Variants in MAP3K4 observed in about 807,000 individuals in gnomAD.
MAP3K4 encodes mitogen-activated protein kinase kinase kinase 4, also known as MAP three kinase 1.
MAP3K4 carries 67 observed loss-of-function variants against 185.6 expected under a neutral mutation model. That is an observed-to-expected ratio of 0.36 (90% CI 0.30 to 0.44). The LOEUF (loss-of-function observed/expected upper bound fraction) is 0.44. Among genes scored for constraint, MAP3K4 ranks in the 20% least tolerant of loss-of-function variants. MAP3K4 has a pLI of 1.00. For synonymous variants in MAP3K4, 702 were observed against 710.4 expected (o/e 0.99, Z 0.19); for missense variants, 1,551 against 1,995.1 (o/e 0.78, Z 4.24).
intron 2 of MAP3K4, among the ~76,000 whole-genome samples, chr6:161,047,014 A>G (rs1178374590): frequency 6.8e-6 from 1 of 147,454 alleles, no homozygotes. Context: ...ATTCTAAGGT[A>G]AAAACAGCTT....
Position 161,084,410 on chromosome 6 carries a change from T to G in MAP3K4, c.2256-91T>G, listed in dbSNP as rs1046655398. On this transcript the variant is annotated intron_variant, in intron 6 of 26. Transcript: ENST00000392142. This position sits in a 1 kb window ranked among gnomAD's most constrained non-coding sequence, Gnocchi z 4.6. ...TTTGATTTTTAAACCATTAGAGCAG[T>G]AGCTGAGCCTTTCAAGTTTCTCAGT... is the stretch of plus-strand genomic sequence containing the variant. 4.5e-5 allele frequency: 32 copies of G among 708,774 alleles called. No homozygotes were observed. The highest frequency in any genetic ancestry group is 2.5e-4 in the East Asian group (10 of 40,246). 43.9% of individuals were successfully genotyped at this position (708,774 alleles called of 1,614,324 possible).
At chr6:161,011,994 G>A (rs1452880550) in intron 1 of MAP3K4, among the ~76,000 whole-genome samples, 6 of 152,174 alleles carry the variant, frequency 3.9e-5, no homozygotes, top group Non-Finnish European at 8.8e-5. Flanking sequence ...ACCTTGATTA[G>A]GCTCAGACAG....
intron 1 of MAP3K4, among the ~76,000 whole-genome samples, chr6:161,004,518 A>G (rs571959944): frequency 2.6e-5 from 4 of 152,340 alleles, no homozygotes; most frequent in South Asian, 2.1e-4. Flanking sequence ...TGAAAGAACA[A>G]ATCTTTGTGA....
At chr6:161,068,304 C>T (rs1232342401) in intron 3 of MAP3K4, among the ~76,000 whole-genome samples, 1 of 152,146 alleles carries the variant, frequency 6.6e-6, no homozygotes, top group Non-Finnish European at 1.5e-5. Flanking sequence ...TCACAGAAAA[C>T]TTCATAGAGG....
intron 1 of MAP3K4, among the ~76,000 whole-genome samples, chr6:161,029,381 A>G (rs774158217): frequency 3.3e-5 from 5 of 152,298 alleles, no homozygotes; most frequent in Non-Finnish European, 7.4e-5. Flanking sequence ...GAGCAGAACT[A>G]TTTAACCCTA....
chr6:161,108,350 A>G lies in MAP3K4; in HGVS notation c.4119+381A>G, dbSNP rs1562546698. Reference sequence around the variant, plus strand: ...AAGTGGCATTGAAACCGCTGGAGGTAGGATGGGGAAAGGGCCAGGGAACCT... The same window carrying G: ...AAGTGGCATTGAAACCGCTGGAGGTGGGATGGGGAAAGGGCCAGGGAACCT... On this transcript the variant is annotated intron_variant, in intron 21 of 26. Transcript: ENST00000392142. The surrounding 1 kb of genome is among the most constrained non-coding windows in gnomAD (Gnocchi z 5.7). 6.6e-6 allele frequency among the ~76,000 whole-genome samples: 1 copy of G among 152,214 alleles called. No individual in the cohort carries two copies. The highest frequency in any genetic ancestry group is 1.5e-5 in the Non-Finnish European group (1 of 68,032).
Position 161,053,592 on chromosome 6 carries a change from G to C in MAP3K4, c.1707+3613G>C, listed in dbSNP as rs1554278827. Reference sequence around the variant, plus strand: ...ACCTTTTAGGTTTGAGGACTTTTTTGTTTGTTTGTTTGTTTTTGAGACAAA... The same window carrying C: ...ACCTTTTAGGTTTGAGGACTTTTTTCTTTGTTTGTTTGTTTTTGAGACAAA... On this transcript the variant is annotated intron_variant, in intron 3 of 26. Coordinates refer to ENST00000392142, the MANE Select transcript of MAP3K4 (RefSeq NM_005922.4). This position sits in a 1 kb window ranked among gnomAD's most constrained non-coding sequence, Gnocchi z 4.2. Among the ~76,000 whole-genome samples, 1 of 152,022 alleles carries C rather than the reference G, an allele frequency of 6.6e-6. No homozygotes were observed. Among genetic ancestry groups the C allele is most frequent in the Non-Finnish European group, 1.5e-5 (1 of 67,978 alleles).
Position 161,034,298 on chromosome 6 carries a change from T to C in MAP3K4, c.192T>C (p.Pro64=). The change falls in exon 2 of 27, where the codon CCT becomes CCC. Residue 64 remains proline, a synonymous_variant. Transcript: ENST00000392142. The surrounding 1 kb of genome is among the most constrained non-coding windows in gnomAD (Gnocchi z 4.4). ...GTLGDSACKS[P]ESDLEDFSDE... Reference sequence around the variant, plus strand: ...TGGGAGATTCAGCTTGCAAGAGTCCTGAATCTGATCTAGAAGACTTCTCCG... The same window carrying C: ...TGGGAGATTCAGCTTGCAAGAGTCCCGAATCTGATCTAGAAGACTTCTCCG... 1 of 1,613,904 alleles carries C rather than the reference T, an allele frequency of 6.2e-7. No homozygotes were observed. The highest frequency in any genetic ancestry group is 8.5e-7 in the Non-Finnish European group (1 of 1,179,814).
At chr6:161,095,142 A>G (rs913871342) in intron 15 of MAP3K4, among the ~76,000 whole-genome samples, 8 of 152,190 alleles carry the variant, frequency 5.3e-5, no homozygotes, top group African/African-American at 1.7e-4. Context: ...GCAGTGGGAC[A>G]GTTAATTAAT....
At chr6:161,102,802 TAA>T (rs397886595) in intron 19 of MAP3K4, 23 bp downstream of exon 19, 69,287 of 581,062 alleles carry the variant, frequency 0.12, 42 homozygotes, top group Middle Eastern at 0.14. Context: ...GTGTTGAAGT[TAA>T]AAAAAAAAAA....
chr6:161,106,784 T>C lies in MAP3K4; in HGVS notation c.4048+79T>C. The C allele has an allele frequency of 8.3e-7, 1 of 1,199,922 alleles. No homozygotes were observed. Among genetic ancestry groups the C allele is most frequent in the Non-Finnish European group, 1.1e-6 (1 of 874,236 alleles). The allele number at this position is 1,199,922 out of a possible 1,614,324, so 74.3% of individuals were successfully genotyped here. ...AGTTATACTTCTTTAGGTTGAATCCTATAGAGTTGGCCCTTTTTTCTTGTA... is the reference window on the plus strand; with the variant it reads ...AGTTATACTTCTTTAGGTTGAATCCCATAGAGTTGGCCCTTTTTTCTTGTA... On this transcript the variant is annotated intron_variant, in intron 20 of 26. Transcript: ENST00000392142. The surrounding 1 kb of genome is among the most constrained non-coding windows in gnomAD (Gnocchi z 4.9).
Position 161,034,326 on chromosome 6 carries a change from G to C in MAP3K4, c.220G>C (p.Glu74Gln). The C allele has an allele frequency of 6.2e-7, 1 of 1,613,976 alleles. No individual in the cohort carries two copies. The highest frequency in any genetic ancestry group is 8.5e-7 in the Non-Finnish European group (1 of 1,179,896). Residue 74 changes from glutamate (E) to glutamine (Q), a missense_variant, in exon 2 of 27, where the codon GAA (glutamate) becomes CAA (glutamine). Physicochemically the swap from Glu to Gln is conservative, Grantham distance 29. Around this residue, in one of 16 missense-constraint regions of MAP3K4, gnomAD observed 287 missense variants for 268.8 expected, o/e 1.07. Coordinates refer to ENST00000392142, the MANE Select transcript of MAP3K4 (RefSeq NM_005922.4). This position sits in a 1 kb window ranked among gnomAD's most constrained non-coding sequence, Gnocchi z 4.4. ...PESDLEDFSD[E>Q]TNTENLYGTS... ...ATCTGATCTAGAAGACTTCTCCGAT[G>C]AAACAAATACAGAGAATCTTTATGG...
chr6:161,048,560 G>A lies in MAP3K4; in HGVS notation c.344-56G>A. On this transcript the variant is annotated intron_variant, in intron 2 of 26. Coordinates refer to ENST00000392142, the MANE Select transcript of MAP3K4 (RefSeq NM_005922.4). This position sits in a 1 kb window ranked among gnomAD's most constrained non-coding sequence, Gnocchi z 4.7. The stretch of plus-strand genomic sequence containing the variant: ...ATACCAGTTTTATTGAAAATATTGA[G>A]AGTAGCTTCATATTTTAGAGTTATA... 1 of 1,155,466 alleles carries A rather than the reference G, an allele frequency of 8.7e-7. No individual in the cohort carries two copies. The highest frequency in any genetic ancestry group is 1.2e-6 in the Non-Finnish European group (1 of 828,746). The allele number at this position is 1,155,466 out of a possible 1,614,324, so 71.6% of individuals were successfully genotyped here. A position where few individuals can be genotyped will look rare whatever the true frequency, so the allele number is the denominator to read the frequency against.
Position 161,109,901 on chromosome 6 carries a change from C to T in MAP3K4, c.4383C>T (p.His1461=). ...TCCTCCATGAGCATGGCATAGTCCA[C>T]CGTGACATTAAAGGTAATCCCACAC... ...INVLHEHGIV[H]RDIKGANIFL... is the part of the protein sequence containing the mutation. Residue 1461 remains histidine, a synonymous_variant, in exon 23 of 27, where the codon CAC becomes CAT. Coordinates refer to ENST00000392142, the MANE Select transcript of MAP3K4 (RefSeq NM_005922.4). The surrounding 1 kb of genome is among the most constrained non-coding windows in gnomAD (Gnocchi z 5.7). 1 of 1,614,004 alleles carries T rather than the reference C, an allele frequency of 6.2e-7. No individual in the cohort carries two copies. The highest frequency in any genetic ancestry group is 2.2e-5 in the East Asian group (1 of 44,878).
At chr6:161,072,699 T>A (rs959330230) in intron 4 of MAP3K4, among the ~76,000 whole-genome samples, 3 of 152,208 alleles carry the variant, frequency 2.0e-5, no homozygotes, top group Non-Finnish European at 4.4e-5. Flanking sequence ...AGTGAAGGTT[T>A]GGCTAACATG....
chr6:161,038,333 T>C (rs1783279528), intron 2 of MAP3K4, among the ~76,000 whole-genome samples: 2 of 152,230 alleles, frequency 1.3e-5, no homozygotes, highest in South Asian at 4.1e-4. Flanking sequence ...ACCTCAAAGC[T>C]GAGTCAGGAA....
intron 1 of MAP3K4, among the ~76,000 whole-genome samples, chr6:161,013,235 C>G (rs565202123): frequency 6.6e-6 from 1 of 151,986 alleles, no homozygotes; most frequent in Non-Finnish European, 1.5e-5. Context: ...ATTTAGGTGG[C>G]GGGACAGTTT....
At chr6:161,002,240 C>T (rs1384151403) in intron 1 of MAP3K4, among the ~76,000 whole-genome samples, 1 of 152,046 alleles carries the variant, frequency 6.6e-6, no homozygotes, top group African/African-American at 2.4e-5. Flanking sequence ...ATAGGCACAG[C>T]TGTCTTTTTC....
rs546479441 is a variant in MAP3K4 at position 161,097,103 on chromosome 6, C to T, written c.3451C>T (p.Pro1151Ser). 6.2e-6 allele frequency: 10 copies of T among 1,614,154 alleles called. No homozygotes were observed. Among genetic ancestry groups the T allele is most frequent in the Admixed American group, 5.0e-5 (3 of 60,022 alleles). ...AGCCATTCATCGGAACAGCCCCCGT[C>T]CTATGAAGGTACCTCGATGCCATAG... ...YLAIHRNSPR[P>S]MKVPRCHSDP... The change falls in exon 16 of 27, where the codon CCT (proline) becomes TCT (serine). Residue 1151 changes from proline (P) to serine (S), a missense_variant. Physicochemically the swap from Pro to Ser is moderately conservative, Grantham distance 74 (BLOSUM62 -1). Transcript: ENST00000392142. This position sits in a 1 kb window ranked among gnomAD's most constrained non-coding sequence, Gnocchi z 4.9.
Sources: gnomAD v4.1 joint callset for allele counts (sites outside exome capture counted in the v4.1 genomes callset) on GRCh38, gnomAD v4.1.1 for gene constraint, gnomAD v4.1.1 regional missense constraint, Gnocchi (gnomAD v3.1) non-coding constraint, MANE v1.5 for transcripts, NCBI Gene and HGNC (gene_info 2026-07-23, HGNC 2026-07-21) for gene names.